AGBL1: variants seen among roughly 807,000 people sequenced by gnomAD.
AGBL1 encodes AGBL carboxypeptidase 1, also known as cytosolic carboxypeptidase 4.
AGBL1 carries 130 observed loss-of-function variants against 118.9 expected under a neutral mutation model. That is an observed-to-expected ratio of 1.09 (90% CI 0.95 to 1.26). AGBL1 has a LOEUF of 1.26. Ranked by LOEUF, AGBL1 falls within the 50% of genes most tolerant of loss-of-function variation. The probability of loss-of-function intolerance (pLI) is 0.00; values close to 1 mark genes in which losing one functional copy is unlikely to be tolerated. For synonymous variants in AGBL1, 555 were observed against 478.9 expected (o/e 1.16, Z -2.08); for missense variants, 1,584 against 1,298.1 (o/e 1.22, Z -3.38).
intron 6 of AGBL1, among the ~76,000 whole-genome samples, chr15:86,238,870 G>T (rs1402680877): frequency 6.6e-6 from 1 of 151,972 alleles, no homozygotes; most frequent in Non-Finnish European, 1.5e-5. Flanking sequence ...GTCCAGGCTG[G>T]TCTTGAACTC....
chr15:86,790,777 T>C (rs2141329165), intron 22 of AGBL1, among the ~76,000 whole-genome samples: 1 of 152,232 alleles, frequency 6.6e-6, no homozygotes, highest in East Asian at 1.9e-4. Flanking sequence ...ACTTTCAATT[T>C]AATTCAACAA....
rs1277345647 is a variant in AGBL1 at position 86,110,688 on chromosome 15, AT to A, written c.51+30671del. Among the ~76,000 whole-genome samples the A allele has an allele frequency of 2.0e-5, 3 of 152,114 alleles. No individual in the cohort carries two copies. The East Asian group carries it at 5.8e-4, about 29-fold the overall frequency. On this transcript the variant is annotated intron_variant, in intron 1 of 22. Coordinates refer to ENST00000614907, the MANE Select transcript of AGBL1 (RefSeq NM_001386094.1). ...TGTGTGACCTAAGGTTAATCATTTTATTTTTTATGGACCTGGATTTCCCATC... is the reference window on the plus strand; with the variant it reads ...TGTGTGACCTAAGGTTAATCATTTTATTTTTATGGACCTGGATTTCCCATC...
chr15:86,463,085 T>A (rs1208373645), intron 18 of AGBL1, among the ~76,000 whole-genome samples: 1 of 152,198 alleles, frequency 6.6e-6, no homozygotes, highest in Non-Finnish European at 1.5e-5. Context: ...TTTCTCCACA[T>A]CCTCTCCAGC....
At chr15:86,535,383 A>G (rs1439923367) in intron 19 of AGBL1, among the ~76,000 whole-genome samples, 2 of 152,178 alleles carry the variant, frequency 1.3e-5, no homozygotes, top group Non-Finnish European at 2.9e-5. Flanking sequence ...GACTGGAAGA[A>G]AGTTCTTAGG....
intron 1 of AGBL1, among the ~76,000 whole-genome samples, chr15:86,112,527 T>A (rs961669315): frequency 9.2e-5 from 14 of 152,220 alleles, no homozygotes; most frequent in Non-Finnish European, 2.1e-4. Context: ...TGTTTTCAAT[T>A]TTTCACGATT....
chr15:86,209,698 C>T (rs1242227847), intron 5 of AGBL1, among the ~76,000 whole-genome samples: 1 of 152,018 alleles, frequency 6.6e-6, no homozygotes, highest in African/African-American at 2.4e-5. Context: ...TATTTTGAGC[C>T]TGTGTGTGTC....
upstream of AGBL1, chr15:86,079,859 A>C (rs560036286): frequency 1.5e-5 from 10 of 680,702 alleles, no homozygotes; most frequent in Admixed American, 8.7e-5. Flanking sequence ...TGTGCAGCTG[A>C]GGCCTCCGGG....
intron 18 of AGBL1, among the ~76,000 whole-genome samples, chr15:86,412,946 A>T (rs557958298): frequency 6.6e-6 from 1 of 152,308 alleles, no homozygotes; most frequent in South Asian, 2.1e-4. Context: ...TTTACTAATG[A>T]AAAAAGTAAT....
At chr15:86,251,933 A>G (rs1051748983) in intron 7 of AGBL1, among the ~76,000 whole-genome samples, 1 of 152,210 alleles carries the variant, frequency 6.6e-6, no homozygotes, top group Non-Finnish European at 1.5e-5. Context: ...ATCAGAGAAA[A>G]GAACCACTCT....
chr15:86,084,716 T>C (rs906269563), intron 1 of AGBL1, among the ~76,000 whole-genome samples: 1 of 152,206 alleles, frequency 6.6e-6, no homozygotes, highest in Non-Finnish European at 1.5e-5. Context: ...CACTTCCTGA[T>C]TTGGTGTGGG....
chr15:86,256,806 G>C (rs770154337), intron 7 of AGBL1, 47 bp from the exon 8 acceptor site: 13 of 1,599,750 alleles, frequency 8.1e-6, no homozygotes, highest in East Asian at 2.2e-5. Context: ...ACAGCTAGGG[G>C]ACTGTGCCCA....
At chr15:86,846,520 T>A (rs926758820) in intron 22 of AGBL1, among the ~76,000 whole-genome samples, 1 of 152,098 alleles carries the variant, frequency 6.6e-6, no homozygotes, top group African/African-American at 2.4e-5. Context: ...TTGGGTAGTT[T>A]TTTTTTGTTG....
At chr15:86,206,631 C>T (rs1245288761) in intron 5 of AGBL1, among the ~76,000 whole-genome samples, 1 of 152,314 alleles carries the variant, frequency 6.6e-6, no homozygotes, top group East Asian at 1.9e-4. Context: ...AATGTCTTTT[C>T]ATATCCTCTC....
rs184767765 is a variant in AGBL1, at chr15:86,940,840, C to T, written c.3222-47147C>T. Among the ~76,000 whole-genome samples, 83 of 152,224 alleles carry T rather than the reference C, an allele frequency of 5.5e-4. 1 individual carries two copies. Among genetic ancestry groups the T allele is most frequent in the African/African-American group, 1.9e-3 (77 of 41,528 alleles). ...TATTGTTTTGTTTCTGTTTTCCTACCTTACAAGAAATATAAATTTGAAAGG... is the reference window on the plus strand; with the variant it reads ...TATTGTTTTGTTTCTGTTTTCCTACTTTACAAGAAATATAAATTTGAAAGG... On this transcript the variant is annotated intron_variant, in intron 23 of 24. Transcript: ENST00000441037.
At chr15:86,123,593 A>G (rs1898223587) in intron 1 of AGBL1, among the ~76,000 whole-genome samples, 1 of 152,136 alleles carries the variant, frequency 6.6e-6, no homozygotes, top group South Asian at 2.1e-4. Context: ...CCGGGCTTTT[A>G]GATAATAACT....
intron 1 of AGBL1, among the ~76,000 whole-genome samples, chr15:86,086,072 T>A (rs1218575980): frequency 6.6e-6 from 1 of 152,220 alleles, no homozygotes; most frequent in Non-Finnish European, 1.5e-5. Context: ...GCTGGTGATA[T>A]GCTGAGGCAA....
At chr15:86,301,641 GGTGT>G (rs60282415) in intron 17 of AGBL1, among the ~76,000 whole-genome samples, 16,612 of 136,994 alleles carry the variant, frequency 0.12, 1,055 homozygotes, top group East Asian at 0.22. Flanking sequence ...TAATCTACAG[GGTGT>G]GTGTGTGTGT....
chr15:86,824,540 C>T (rs1288656341), intron 22 of AGBL1, among the ~76,000 whole-genome samples: 3 of 96,774 alleles, frequency 3.1e-5, no homozygotes, highest in African/African-American at 4.3e-5. Flanking sequence ...AATAAAATTC[C>T]TATCAAAATC....
At chr15:86,693,004 T>C (rs1228337693) in intron 22 of AGBL1, among the ~76,000 whole-genome samples, 1 of 152,120 alleles carries the variant, frequency 6.6e-6, no homozygotes, top group Non-Finnish European at 1.5e-5. Context: ...TTCATCCTCT[T>C]GTTGATTGAT....
Sources: gnomAD v4.1 joint callset for allele counts (sites outside exome capture counted in the v4.1 genomes callset) on GRCh38, gnomAD v4.1.1 for gene constraint, MANE v1.5 for transcripts, NCBI Gene and HGNC (gene_info 2026-07-23, HGNC 2026-07-21) for gene names.